Variants in SERTM1 observed in about 807,000 individuals in gnomAD.
SERTM1 encodes serine rich and transmembrane domain containing 1.
A neutral mutation model predicts 5.5 loss-of-function variants in SERTM1; 1 was observed. That is an observed-to-expected ratio of 0.18 (90% CI 0.06 to 0.86). SERTM1 has a LOEUF of 0.86. Ranked by LOEUF, SERTM1 falls within the 40% of genes least tolerant of loss-of-function variation. SERTM1 has a pLI of 0.69. For missense variants in SERTM1, 91 were observed against 122.4 expected (o/e 0.74, Z 1.21); for synonymous variants, 52 against 55.1 (o/e 0.94, Z 0.25).
At chr13:36,687,946 T>G (rs1566230018) in intron 1 of SERTM1, among the ~76,000 whole-genome samples, 1 of 151,878 alleles carries the variant, frequency 6.6e-6, no homozygotes, top group African/African-American at 2.4e-5. Flanking sequence ...GTAGTTTACA[T>G]GCAAAGGATT....
chr13:36,695,510 G>C lies in SERTM1; in HGVS notation c.*108G>C. 1 of 765,826 alleles carries C rather than the reference G, an allele frequency of 1.3e-6. No individual in the cohort carries two copies. Among genetic ancestry groups the C allele is most frequent in the Middle Eastern group, 2.5e-4 (1 of 4,020 alleles). 47.4% of individuals were successfully genotyped at this position (765,826 alleles called of 1,614,324 possible). ...GAAATGATCCTTTTGGTGTAGACCT[G>C]CTTCTCCTTCTCCTTTTTCTCTGAT... On this transcript the variant is annotated 3_prime_UTR_variant, in exon 2 of 2. Coordinates refer to ENST00000315190, the MANE Select transcript of SERTM1 (RefSeq NM_203451.3).
rs144041016 is a variant in SERTM1 at position 36,685,377 on chromosome 13, G to C, written c.-173-9529G>C. Among the ~76,000 whole-genome samples, 733 of 152,222 alleles carry C rather than the reference G, an allele frequency of 4.8e-3. 9 individuals carry two copies. The highest frequency in any genetic ancestry group is 0.017 in the African/African-American group (698 of 41,544). On this transcript the variant is annotated intron_variant, in intron 1 of 1. Transcript: ENST00000315190. The stretch of plus-strand genomic sequence containing the variant: ...TTCCCAGGTGTCCTTGGAAATCCAG[G>C]TAGATGAGTAATTTTGCAGCCATGA...
At position 36,694,960 on chromosome 13, in the gene SERTM1, A is replaced by T; in HGVS notation, c.-119A>T. On this transcript the variant is annotated 5_prime_UTR_variant, in exon 2 of 2. Transcript: ENST00000315190. ...TTGAGAAACAAGTTTTGTTGTGCTG[A>T]TTTAACAGCCTGTGAATTCTGCAAA... The T allele has an allele frequency of 1.4e-6, 1 of 727,136 alleles. No homozygotes were observed. The highest frequency in any genetic ancestry group is 2.3e-6 in the Non-Finnish European group (1 of 430,550). 45.0% of individuals were successfully genotyped at this position (727,136 alleles called of 1,614,324 possible).
At chr13:36,684,501 T>C (rs1303694721) in intron 1 of SERTM1, among the ~76,000 whole-genome samples, 1 of 152,116 alleles carries the variant, frequency 6.6e-6, no homozygotes, top group Non-Finnish European at 1.5e-5. Context: ...CAAACTGATT[T>C]GTCTGCACAT....
At chr13:36,686,538 A>T (rs561175969) in intron 1 of SERTM1, among the ~76,000 whole-genome samples, 1 of 152,282 alleles carries the variant, frequency 6.6e-6, no homozygotes, top group African/African-American at 2.4e-5. Context: ...CACTTGTTTT[A>T]TGTATGTATG....
chr13:36,678,679 T>TATATATATATATATATATATATATATATA (rs2056684326), intron 1 of SERTM1, among the ~76,000 whole-genome samples: 1 of 133,682 alleles, frequency 7.5e-6, no homozygotes, highest in African/African-American at 2.8e-5. Flanking sequence ...AAAATAAAAT[T>TATATATATATATATATATATATATATATA]TATATATATA....
chr13:36,680,767 G>C (rs2138085832), intron 1 of SERTM1, among the ~76,000 whole-genome samples: 1 of 152,116 alleles, frequency 6.6e-6, no homozygotes, highest in South Asian at 2.1e-4. Context: ...TTTGTTTCTG[G>C]TTTTGAGACG....
chr13:36,679,670 G>T (rs959569376), intron 1 of SERTM1, among the ~76,000 whole-genome samples: 1 of 152,196 alleles, frequency 6.6e-6, no homozygotes, highest in African/African-American at 2.4e-5. Flanking sequence ...GCCTCCCAAA[G>T]TGCTGGGATT....
chr13:36,689,548 T>TAATAG (rs1413266103), intron 1 of SERTM1, among the ~76,000 whole-genome samples: 33 of 148,348 alleles, frequency 2.2e-4, no homozygotes, highest in African/African-American at 8.1e-4. Context: ...ATAATAATAG[T>TAATAG]TTTTTTCCCC....
intron 1 of SERTM1, among the ~76,000 whole-genome samples, chr13:36,685,114 G>C (rs967487324): frequency 2.6e-5 from 4 of 152,194 alleles, no homozygotes; most frequent in African/African-American, 9.7e-5. Flanking sequence ...CTGAAGACTT[G>C]ATTTCCACCC....
At chr13:36,680,839 G>A (rs189895413) in intron 1 of SERTM1, among the ~76,000 whole-genome samples, 4 of 151,982 alleles carry the variant, frequency 2.6e-5, no homozygotes, top group Non-Finnish European at 4.4e-5. Context: ...TATAACCTCC[G>A]CCTCCCGGTT....
At position 36,695,387 on chromosome 13, in the gene SERTM1, A is replaced by C. The variant is rs1593403670; in HGVS notation, c.309A>C (p.Ser103=). The stretch of plus-strand genomic sequence containing the variant: ...TTTCCTCTCAGAGGTCCACTTTTTC[A>C]AACCTTTCATCCTGAGGAAAATGGA... ...CSISSQRSTF[S]NLSS The change falls in exon 2 of 2, where the codon TCA becomes TCC. Residue 103 remains serine (S), a synonymous_variant. Transcript: ENST00000315190. 6.2e-7 allele frequency: 1 copy of C among 1,613,528 alleles called. No homozygotes were observed. Among genetic ancestry groups the C allele is most frequent in the Non-Finnish European group, 8.5e-7 (1 of 1,179,750 alleles).
intron 1 of SERTM1, among the ~76,000 whole-genome samples, chr13:36,688,276 C>T (rs1022539878): frequency 2.0e-5 from 3 of 151,728 alleles, no homozygotes; most frequent in East Asian, 1.9e-4. Flanking sequence ...TGCAGTGGCA[C>T]GATCATGGCT....
At chr13:36,676,428 G>A (rs980749536) in intron 1 of SERTM1, among the ~76,000 whole-genome samples, 5 of 151,608 alleles carry the variant, frequency 3.3e-5, no homozygotes, top group African/African-American at 1.2e-4. Context: ...TTTGTTTAAA[G>A]TTTGTACAGT....
chr13:36,685,934 C>T (rs532368360), intron 1 of SERTM1, among the ~76,000 whole-genome samples: 1 of 152,220 alleles, frequency 6.6e-6, no homozygotes, highest in African/African-American at 2.4e-5. Flanking sequence ...AGATCACCTA[C>T]TCATTGGTCC....
Position 36,674,069 on chromosome 13 carries a change from C to T in SERTM1, c.-289C>T, listed in dbSNP as rs911224112. The T allele has an allele frequency of 6.6e-6, 1 of 152,256 alleles. No individual in the cohort carries two copies. The highest frequency in any genetic ancestry group is 2.1e-4 in the South Asian group (1 of 4,838). 9.4% of individuals were successfully genotyped at this position (152,256 alleles called of 1,614,324 possible). On this transcript the variant is annotated 5_prime_UTR_variant, in exon 1 of 2. Transcript: ENST00000315190. ...CGTGCGCCCAGACTGCGCGCCGCGCCGCTGCGCCCAACATTCCCGAGGACG... is the reference window on the plus strand; with the variant it reads ...CGTGCGCCCAGACTGCGCGCCGCGCTGCTGCGCCCAACATTCCCGAGGACG...
intron 1 of SERTM1, among the ~76,000 whole-genome samples, chr13:36,683,735 T>C (rs763629994): frequency 4.6e-5 from 7 of 152,178 alleles, no homozygotes; most frequent in Non-Finnish European, 1.0e-4. Flanking sequence ...TCACCTTTCA[T>C]ACATTTCATT....
chr13:36,692,015 G>C (rs946455559), intron 1 of SERTM1, among the ~76,000 whole-genome samples: 1 of 152,148 alleles, frequency 6.6e-6, no homozygotes, highest in Non-Finnish European at 1.5e-5. Flanking sequence ...CACATACTCT[G>C]TTGTTTCAGA....
intron 1 of SERTM1, among the ~76,000 whole-genome samples, chr13:36,689,226 C>T (rs2056761613): frequency 6.6e-6 from 1 of 152,090 alleles, no homozygotes; most frequent in African/African-American, 2.4e-5. Context: ...ATAGTTACAT[C>T]CAGGCGTGGT....
Sources: allele counts gnomAD v4.1 joint callset (sites outside exome capture counted in the v4.1 genomes callset), GRCh38; gene constraint gnomAD v4.1.1; transcripts MANE v1.5; gene names NCBI Gene and HGNC (gene_info 2026-07-23, HGNC 2026-07-21).